Variants in MACIR observed in about 807,000 individuals in gnomAD.
MACIR encodes UNC119-binding protein C5orf30.
A neutral mutation model predicts 14.3 loss-of-function variants in MACIR; 4 were observed. The ratio of observed to expected loss-of-function variants is 0.28; its 90% CI spans 0.14 to 0.64. MACIR has a LOEUF of 0.64. Among genes scored for constraint, MACIR ranks in the 30% least tolerant of loss-of-function variants. The pLI is 0.83. For missense variants in MACIR, 228 were observed against 257.6 expected (o/e 0.89, Z 0.79); for synonymous variants, 101 against 102.4 (o/e 0.99, Z 0.08).
chr5:103,268,947 C>T (rs567853917), intron 2 of MACIR, among the ~76,000 whole-genome samples: 25 of 151,958 alleles, frequency 1.6e-4, no homozygotes, highest in Non-Finnish European at 3.1e-4. Flanking sequence ...TAGCCAGGGG[C>T]GGTGGCTCGC....
intron 1 of MACIR, among the ~76,000 whole-genome samples, chr5:103,264,192 G>A (rs1233140951): frequency 6.6e-6 from 1 of 152,096 alleles, no homozygotes; most frequent in Non-Finnish European, 1.5e-5. Flanking sequence ...AGAGTGTAAA[G>A]TAAATGATCT....
rs782757037 is a variant in MACIR at position 103,276,321 on chromosome 5, A to G, written c.402A>G (p.Gly134=). 9.9e-6 allele frequency: 16 copies of G among 1,612,572 alleles called. No homozygotes were observed. The highest frequency in any genetic ancestry group is 1.3e-5 in the African/African-American group (1 of 74,322). Reference sequence around the variant, plus strand: ...GGCGAAGGCGGATGCCAAGCTCAGGAGACAAGTGCACTAAATCTTTACCTT... The same window carrying G: ...GGCGAAGGCGGATGCCAAGCTCAGGGGACAAGTGCACTAAATCTTTACCTT... ...GRRRRRMPSS[G]DKCTKSLPYE... is the part of the protein sequence containing the mutation. Residue 134 remains glycine (G), a synonymous_variant, in exon 3 of 3, where the codon GGA becomes GGG. Transcript: ENST00000319933.
Position 103,276,819 on chromosome 5 carries a change from GTAAT to G in MACIR, c.*281_*284del. The G allele has an allele frequency of 3.6e-6, 1 of 279,224 alleles. No homozygotes were observed. Among genetic ancestry groups the G allele is most frequent in the Admixed American group, 4.9e-5 (1 of 20,264 alleles). The allele number at this position is 279,224 out of a possible 1,614,324, so 17.3% of individuals were successfully genotyped here. On this transcript the variant is annotated 3_prime_UTR_variant, in exon 3 of 3. Coordinates refer to ENST00000319933, the MANE Select transcript of MACIR (RefSeq NM_033211.4). Reference sequence around the variant, plus strand: ...GCTAGGAAAAAAAGGCTTTGGTACAGTAATTTCATCTTTATGATTCTGACACTCA... The same window carrying G: ...GCTAGGAAAAAAAGGCTTTGGTACAGTTCATCTTTATGATTCTGACACTCA...
intron 1 of MACIR, among the ~76,000 whole-genome samples, chr5:103,265,326 A>G (rs1804885591): frequency 6.6e-6 from 1 of 152,172 alleles, no homozygotes; most frequent in Non-Finnish European, 1.5e-5. Flanking sequence ...AATTAATTGC[A>G]TAATAATAGC....
chr5:103,267,204 A>G (rs1804958073), intron 2 of MACIR, among the ~76,000 whole-genome samples: 1 of 152,102 alleles, frequency 6.6e-6, no homozygotes, highest in Admixed American at 6.6e-5. Context: ...AAATCTGATG[A>G]TACGTAAGTC....
chr5:103,273,724 C>T (rs1282579848), intron 2 of MACIR, among the ~76,000 whole-genome samples: 4 of 152,026 alleles, frequency 2.6e-5, no homozygotes, highest in Admixed American at 6.5e-5. Context: ...TTTTTTCCCT[C>T]GTAGACAAAA....
Position 103,277,855 on chromosome 5 carries a change from T to C in MACIR, c.*1315T>C, listed in dbSNP as rs1805392194. Reference sequence around the variant, plus strand: ...GGGATTTCTGGCAGCACAGAACTGCTTTTTATTTTGGGGTCTGTGAGTTTC... The same window carrying C: ...GGGATTTCTGGCAGCACAGAACTGCCTTTTATTTTGGGGTCTGTGAGTTTC... On this transcript the variant is annotated 3_prime_UTR_variant, in exon 3 of 3. Transcript: ENST00000319933. The C allele has an allele frequency of 6.0e-6, 1 of 167,072 alleles. No individual in the cohort carries two copies. Among genetic ancestry groups the C allele is most frequent in the African/African-American group, 2.4e-5 (1 of 41,458 alleles). 10.3% of individuals were successfully genotyped at this position (167,072 alleles called of 1,614,324 possible). A position where few individuals can be genotyped will look rare whatever the true frequency, so the allele number is the denominator to read the frequency against.
At chr5:103,259,296 G>A (rs1458264879) in intron 1 of MACIR, 1 of 152,076 alleles carries the variant, frequency 6.6e-6, no homozygotes, top group Non-Finnish European at 1.5e-5. Flanking sequence ...GCGGGGGCGT[G>A]CGCCCCCGTG....
rs1158489060 is a variant in MACIR, at chr5:103,276,781, G to A, written c.*241G>A. ...AAAACAGAATGTTGACTGTTAGTTT[G>A]TATAGCTTTTTAGCTAGGAAAAAAA... On this transcript the variant is annotated 3_prime_UTR_variant, in exon 3 of 3. Coordinates refer to ENST00000319933, the MANE Select transcript of MACIR (RefSeq NM_033211.4). The A allele has an allele frequency of 8.6e-5, 32 of 373,786 alleles. No individual in the cohort carries two copies. The highest frequency in any genetic ancestry group is 5.7e-4 in the African/African-American group (27 of 47,700). The allele number at this position is 373,786 out of a possible 1,614,324, so 23.2% of individuals were successfully genotyped here.
rs181159623 is a variant in MACIR at position 103,265,555 on chromosome 5, C to T, written c.-113-353C>T. 2.1e-3 allele frequency among the ~76,000 whole-genome samples: 322 copies of T among 152,150 alleles called. 3 individuals are homozygous for T. Among genetic ancestry groups the T allele is most frequent in the African/African-American group, 7.3e-3 (303 of 41,534 alleles). ...CCTAGCCTAAGCATTATTTTTTTTC[C>T]ATAGAGTACTGTGAATCGGTTGAAC... On this transcript the variant is annotated intron_variant, in intron 1 of 2. Transcript: ENST00000319933.
intron 1 of MACIR, chr5:103,259,407 A>ACGCTCGCT (rs1427915192): frequency 9.2e-5 from 14 of 152,062 alleles, no homozygotes; most frequent in African/African-American, 3.4e-4. Flanking sequence ...GTTGGCGCGC[A>ACGCTCGCT]CGCTCGCTCG....
intron 1 of MACIR, among the ~76,000 whole-genome samples, chr5:103,261,964 G>C (rs1580563628): frequency 6.6e-6 from 1 of 151,994 alleles, no homozygotes; most frequent in Admixed American, 6.6e-5. Context: ...GATCAATGTT[G>C]TTAAATTTTT....
intron 1 of MACIR, among the ~76,000 whole-genome samples, chr5:103,263,653 TTGAA>T (rs1374370385): frequency 1.3e-5 from 2 of 152,208 alleles, no homozygotes; most frequent in Non-Finnish European, 2.9e-5. Flanking sequence ...ATATGAAAGT[TTGAA>T]TGAGATTTAA....
chr5:103,260,189 T>G lies in MACIR; in HGVS notation c.-114+1293T>G, dbSNP rs77864657. On this transcript the variant is annotated intron_variant, in intron 1 of 2. Coordinates refer to ENST00000319933, the MANE Select transcript of MACIR (RefSeq NM_033211.4). ...CGCTCCTAGCTGAAAGAACAATTCT[T>G]GCATATTTCTGATGTTACTAGACTC... 5.9e-3 allele frequency among the ~76,000 whole-genome samples: 893 copies of G among 151,776 alleles called. 8 individuals are homozygous for G. Among genetic ancestry groups the G allele is most frequent in the African/African-American group, 0.021 (855 of 41,320 alleles).
In MACIR at chr5:103,276,185, C is replaced by G; in HGVS notation, c.266C>G (p.Pro89Arg). Residue 89 changes from proline (P) to arginine (R), a missense_variant, in exon 3 of 3, where the codon CCA becomes CGA. Coordinates refer to ENST00000319933, the MANE Select transcript of MACIR (RefSeq NM_033211.4). ...GAAGAGAGCAAAGCAGAAGCCATGC[C>G]ATCCTTACGCTCCAAACAGCTAGAT... ...GGEESKAEAM[P>R]SLRSKQLDAG... 3 of 1,613,750 alleles carry G rather than the reference C, an allele frequency of 1.9e-6. No individual in the cohort carries two copies. The highest frequency in any genetic ancestry group is 2.5e-6 in the Non-Finnish European group (3 of 1,179,962).
At chr5:103,269,985 G>T (rs1554236998) in intron 2 of MACIR, among the ~76,000 whole-genome samples, 3 of 152,130 alleles carry the variant, frequency 2.0e-5, no homozygotes. Context: ...AATATCAGGA[G>T]ATTTGAGGTC....
chr5:103,269,416 T>C (rs193071433), intron 2 of MACIR, among the ~76,000 whole-genome samples: 1 of 151,946 alleles, frequency 6.6e-6, no homozygotes, highest in Admixed American at 6.6e-5. Flanking sequence ...TATGTTGATA[T>C]CTGTTTTCTC....
intron 1 of MACIR, among the ~76,000 whole-genome samples, chr5:103,262,246 C>T (rs1257069753): frequency 2.6e-5 from 4 of 152,088 alleles, no homozygotes; most frequent in African/African-American, 9.7e-5. Flanking sequence ...TATAATAAGA[C>T]TTAAGAAACA....
At chr5:103,263,857 T>C (rs1554236524) in intron 1 of MACIR, among the ~76,000 whole-genome samples, 2 of 152,166 alleles carry the variant, frequency 1.3e-5, no homozygotes, top group Non-Finnish European at 2.9e-5. Context: ...ACGGTATTGG[T>C]TGATACCTTT....
Sources: gnomAD v4.1 joint callset for allele counts (sites outside exome capture counted in the v4.1 genomes callset) on GRCh38, gnomAD v4.1.1 for gene constraint, MANE v1.5 for transcripts, NCBI Gene and HGNC (gene_info 2026-07-23, HGNC 2026-07-21) for gene names.